SGCZ: variants seen among roughly 807,000 people sequenced by gnomAD.
The protein encoded by SGCZ is sarcoglycan zeta.
SGCZ carries 40 observed loss-of-function variants against 41.3 expected under a neutral mutation model. The ratio of observed to expected loss-of-function variants is 0.97; its 90% confidence interval spans 0.75 to 1.26. The LOEUF is 1.26. Ranked by LOEUF, SGCZ falls within the 50% of genes most tolerant of loss-of-function variation. The pLI is 0.00. For missense variants in SGCZ, 552 were observed against 369.8 expected, an observed-to-expected ratio of 1.49 and a Z score of -4.04; for synonymous variants, 206 against 137.5, an observed-to-expected ratio of 1.50 and a Z score of -3.49.
At chr8:14,296,799 T>A (rs968662449) in intron 3 of SGCZ, among the ~76,000 whole-genome samples, 3 of 152,078 alleles carry the variant, frequency 2.0e-5, no homozygotes, top group Non-Finnish European at 2.9e-5. Context: ...ATAAAAAAAA[T>A]TAGACGAATT....
chr8:14,867,655 A>T (rs1803982390), intron 1 of SGCZ, among the ~76,000 whole-genome samples: 1 of 152,048 alleles, frequency 6.6e-6, no homozygotes, highest in Non-Finnish European at 1.5e-5. Context: ...TCCTTAGCAA[A>T]CTAACACAGG....
chr8:15,020,563 T>C (rs1803213742), intron 1 of SGCZ, among the ~76,000 whole-genome samples: 1 of 152,198 alleles, frequency 6.6e-6, no homozygotes, highest in South Asian at 2.1e-4. Flanking sequence ...CCAGAAAATA[T>C]TAACTTGCAC....
chr8:14,502,450 G>C (rs181507925), intron 2 of SGCZ, among the ~76,000 whole-genome samples: 1 of 152,216 alleles, frequency 6.6e-6, no homozygotes, highest in East Asian at 1.9e-4. Flanking sequence ...TTTTGATACA[G>C]TTTATTTCTC....
At chr8:14,841,819 G>T (rs770894427) in intron 1 of SGCZ, among the ~76,000 whole-genome samples, 7 of 152,122 alleles carry the variant, frequency 4.6e-5, no homozygotes, top group Non-Finnish European at 8.8e-5. Flanking sequence ...TGAGGAAATT[G>T]AGACCTGGAA....
chr8:14,710,725 C>A (rs1184596326), intron 1 of SGCZ, among the ~76,000 whole-genome samples: 5 of 151,976 alleles, frequency 3.3e-5, no homozygotes, highest in Non-Finnish European at 7.4e-5. Flanking sequence ...AAATAACCTA[C>A]TTTTATAGAA....
chr8:14,863,729 G>A (rs2130685671), intron 1 of SGCZ, among the ~76,000 whole-genome samples: 1 of 152,234 alleles, frequency 6.6e-6, no homozygotes, highest in Non-Finnish European at 1.5e-5. Flanking sequence ...TAAAAGCAGA[G>A]GGAGCTGCTT....
intron 2 of SGCZ, among the ~76,000 whole-genome samples, chr8:14,429,674 T>C (rs1281507888): frequency 6.6e-6 from 1 of 152,202 alleles, no homozygotes; most frequent in Non-Finnish European, 1.5e-5. Flanking sequence ...CTAAAATCAA[T>C]GACTAGCGTG....
intron 1 of SGCZ, among the ~76,000 whole-genome samples, chr8:14,720,086 T>C (rs1809831048): frequency 6.6e-6 from 1 of 152,076 alleles, no homozygotes; most frequent in African/African-American, 2.4e-5. Flanking sequence ...TAGCCAGTTT[T>C]CCCAGCAAGT....
intron 2 of SGCZ, among the ~76,000 whole-genome samples, chr8:14,371,331 A>G (rs919523619): frequency 6.6e-6 from 1 of 152,064 alleles, no homozygotes; most frequent in Non-Finnish European, 1.5e-5. Flanking sequence ...TATGCAAGCC[A>G]GTTCAGTTAA....
At chr8:15,104,821 C>T (rs928782770) in intron 1 of SGCZ, among the ~76,000 whole-genome samples, 5 of 152,152 alleles carry the variant, frequency 3.3e-5, no homozygotes, top group South Asian at 2.1e-4. Context: ...TACCCATTTA[C>T]ATGGTTTCAT....
chr8:14,720,137 CT>C (rs1331928749), intron 1 of SGCZ, among the ~76,000 whole-genome samples: 1 of 151,860 alleles, frequency 6.6e-6, no homozygotes, highest in Non-Finnish European at 1.5e-5. Context: ...TCTTTTCAGA[CT>C]ATCTGATCTT....
intron 1 of SGCZ, among the ~76,000 whole-genome samples, chr8:14,763,482 T>G (rs922036787): frequency 2.0e-5 from 3 of 152,184 alleles, no homozygotes; most frequent in Non-Finnish European, 4.4e-5. Flanking sequence ...TTTATCCAGG[T>G]AGCCAAGCAC....
chr8:14,443,303 A>T (rs1353634557), intron 2 of SGCZ, among the ~76,000 whole-genome samples: 2 of 152,202 alleles, frequency 1.3e-5, no homozygotes, highest in African/African-American at 4.8e-5. Context: ...AGAATTGGAA[A>T]AAACGACTTT....
intron 1 of SGCZ, among the ~76,000 whole-genome samples, chr8:15,103,757 G>C (rs1004579526): frequency 8.6e-5 from 13 of 152,024 alleles, no homozygotes; most frequent in Admixed American, 3.3e-4. Context: ...AAGAAAGCTT[G>C]GTACCATTAA....
chr8:15,078,741 A>G (rs921384527), intron 1 of SGCZ, among the ~76,000 whole-genome samples: 1 of 152,118 alleles, frequency 6.6e-6, no homozygotes, highest in Admixed American at 6.6e-5. Context: ...ATATATACAC[A>G]CATACATATA....
At chr8:15,080,392 A>G (rs1805696424) in intron 1 of SGCZ, among the ~76,000 whole-genome samples, 1 of 152,052 alleles carries the variant, frequency 6.6e-6, no homozygotes, top group South Asian at 2.1e-4. Flanking sequence ...TCCTACCACC[A>G]GCCTGAGCAT....
At chr8:15,135,208 G>C in intron 1 of SGCZ, among the ~76,000 whole-genome samples, 1 of 152,130 alleles carries the variant, frequency 6.6e-6, no homozygotes, top group East Asian at 1.9e-4. Context: ...GTGCTATTAA[G>C]TAGATCAATG....
intron 2 of SGCZ, among the ~76,000 whole-genome samples, chr8:14,419,861 T>C (rs112130578): frequency 3.9e-5 from 6 of 152,014 alleles, no homozygotes; most frequent in Admixed American, 6.6e-5. Flanking sequence ...GAAAGTCCAA[T>C]CTTTATGCCG....
At position 15,237,867 on chromosome 8, in the gene SGCZ, G is replaced by C. The variant is rs767669627; in HGVS notation, c.-244C>G. 70 of 484,564 alleles carry C rather than the reference G, an allele frequency of 1.4e-4. 1 individual carries two copies. The highest frequency in any genetic ancestry group is 2.3e-4 in the Non-Finnish European group (62 of 269,604). The allele number at this position is 484,564 out of a possible 1,614,324, so 30.0% of individuals were successfully genotyped here. A position where few individuals can be genotyped will look rare whatever the true frequency, so the allele number is the denominator to read the frequency against. ...TTAGTGACAGGTGATCTCTACCGCG[G>C]TGCAACACAGCTGAGTCGATTGAAA... On this transcript the variant is annotated 5_prime_UTR_variant, in exon 1 of 8. Coordinates refer to ENST00000382080, the MANE Select transcript of SGCZ (RefSeq NM_139167.4).
Sources: allele counts gnomAD v4.1 joint callset (sites outside exome capture counted in the v4.1 genomes callset), GRCh38; gene constraint gnomAD v4.1.1; transcripts MANE v1.5; gene names NCBI Gene and HGNC (gene_info 2026-07-23, HGNC 2026-07-21).